The following NRXN1 variants were observed in gnomAD, a reference collection of about 807,000 sequenced individuals.
NRXN1 encodes the protein neurexin 1, also known as neurexin-1.
A neutral mutation model predicts 150.9 loss-of-function variants in NRXN1; 39 were observed. The observed-to-expected ratio is 0.26, with a 90% CI of 0.20 to 0.34. The LOEUF is 0.34. NRXN1 is among the 10% of genes least tolerant of loss of function. The pLI, the probability that NRXN1 is intolerant of heterozygous loss-of-function variation, is 1.00. For missense variants in NRXN1, 1,815 were observed against 1,949.9 expected (o/e 0.93, Z 1.30); for synonymous variants, 924 against 757.0 (o/e 1.22, Z -3.62).
At chr2:50,887,566 C>T (rs10490170) in intron 5 of NRXN1, among the ~76,000 whole-genome samples, 25,612 of 151,280 alleles carry the variant, frequency 0.17, 2,524 homozygotes, top group Non-Finnish European at 0.22. Context: ...TAGTGTTTAA[C>T]ATCTGTGAGT....
At chr2:50,089,743 C>G (rs954408462) in intron 19 of NRXN1, among the ~76,000 whole-genome samples, 8 of 151,076 alleles carry the variant, frequency 5.3e-5, no homozygotes, top group African/African-American at 1.7e-4. Context: ...TGAGCTATGA[C>G]TGCCACTACA....
At chr2:50,465,382 A>G in intron 17 of NRXN1, 60 bp downstream of exon 17, 1 of 1,499,502 alleles carries the variant, frequency 6.7e-7, no homozygotes, top group Non-Finnish European at 9.0e-7. Context: ...TAGACTTTAG[A>G]TATCAAACAG....
In NRXN1 at chr2:50,501,134, T is replaced by C. The variant is rs141880569; in HGVS notation, c.2498-3420A>G. Among the ~76,000 whole-genome samples, 279 of 152,132 alleles carry C rather than the reference T, an allele frequency of 1.8e-3. 1 individual carries two copies. The highest frequency in any genetic ancestry group is 6.4e-3 in the African/African-American group (265 of 41,504). On this transcript the variant is annotated intron_variant, in intron 13 of 22. Transcript: ENST00000401669. ...TGATATTTAAGCTAGATTTGAAGAATTAAAAAGAGAAAGCCCTGTTAAGAA... is the reference window on the plus strand; with the variant it reads ...TGATATTTAAGCTAGATTTGAAGAACTAAAAAGAGAAAGCCCTGTTAAGAA...
At chr2:50,318,129 C>G (rs2075755344) in intron 17 of NRXN1, among the ~76,000 whole-genome samples, 2 of 151,674 alleles carry the variant, frequency 1.3e-5, no homozygotes, top group Middle Eastern at 3.4e-3. Flanking sequence ...GATAAATAAT[C>G]TAATAGGAAA....
At chr2:50,446,258 T>C (rs950049170) in intron 17 of NRXN1, among the ~76,000 whole-genome samples, 1 of 152,210 alleles carries the variant, frequency 6.6e-6, no homozygotes, top group Non-Finnish European at 1.5e-5. Context: ...TGTACAATCC[T>C]ATGCAATGAC....
rs529075251 is a variant in NRXN1 at position 50,554,171 on chromosome 2, T to A, written c.1321-1146A>T. Among the ~76,000 whole-genome samples the A allele has an allele frequency of 4.0e-3, 615 of 152,232 alleles. 5 individuals carry two copies. Among genetic ancestry groups the A allele is most frequent in the African/African-American group, 0.014 (587 of 41,552 alleles). On this transcript the variant is annotated intron_variant, in intron 8 of 22. Coordinates refer to ENST00000401669, the MANE Select transcript of NRXN1 (RefSeq NM_001330078.2). Reference sequence around the variant, plus strand: ...AAATGTACATATATATATATGTATATGTATACACACATGTATGTTTTGTTT... The same window carrying A: ...AAATGTACATATATATATATGTATAAGTATACACACATGTATGTTTTGTTT...
rs575938456 is a variant in NRXN1, at chr2:50,537,203, G to A, written c.2143+1050C>T. 8.5e-5 allele frequency among the ~76,000 whole-genome samples: 13 copies of A among 152,212 alleles called. No homozygotes were observed. The South Asian group carries it at 2.3e-3, about 27-fold the overall frequency. On this transcript the variant is annotated intron_variant, in intron 10 of 22. Coordinates refer to ENST00000401669, the MANE Select transcript of NRXN1 (RefSeq NM_001330078.2). ...TGAACTATTTCAGGAATAAAAAAGG[G>A]AAACAATAAATATTCATAGCTTAAA...
intron 5 of NRXN1, among the ~76,000 whole-genome samples, chr2:50,724,757 CAT>C (rs1220479252): frequency 3.9e-5 from 6 of 152,170 alleles, no homozygotes; most frequent in Non-Finnish European, 7.4e-5. Context: ...AAAAAGAATA[CAT>C]ATGTGTGTGT....
At chr2:51,007,673 C>T (rs1166880355) in intron 2 of NRXN1, among the ~76,000 whole-genome samples, 1 of 151,828 alleles carries the variant, frequency 6.6e-6, no homozygotes. Context: ...TTATGGGATG[C>T]ACTTTTACAT....
intron 2 of NRXN1, among the ~76,000 whole-genome samples, chr2:50,958,739 G>C (rs1692671804): frequency 1.3e-5 from 2 of 152,004 alleles, no homozygotes; most frequent in Admixed American, 6.6e-5. Flanking sequence ...ATTCTGAATG[G>C]AAGCAGCAAG....
chr2:51,011,679 G>C (rs1413555481), intron 2 of NRXN1, among the ~76,000 whole-genome samples: 1 of 151,980 alleles, frequency 6.6e-6, no homozygotes, highest in East Asian at 1.9e-4. Context: ...CAAAGTTTCT[G>C]TTGAAAGAAA....
At chr2:50,990,748 T>C (rs1256778652) in intron 2 of NRXN1, among the ~76,000 whole-genome samples, 1 of 152,028 alleles carries the variant, frequency 6.6e-6, no homozygotes, top group Non-Finnish European at 1.5e-5. Flanking sequence ...CTGAGTTTCC[T>C]TTTCTCCCAG....
At chr2:51,009,784 A>G (rs1353623904) in intron 2 of NRXN1, among the ~76,000 whole-genome samples, 12 of 151,954 alleles carry the variant, frequency 7.9e-5, no homozygotes, top group Non-Finnish European at 1.6e-4. Context: ...TAACAACCGG[A>G]AAAAGTGTAA....
chr2:50,052,723 A>G (rs1313030175), intron 21 of NRXN1, among the ~76,000 whole-genome samples: 1 of 152,198 alleles, frequency 6.6e-6, no homozygotes, highest in Non-Finnish European at 1.5e-5. Context: ...GCTCAGATAA[A>G]CCAATAGAAT....
chr2:50,398,915 G>T (rs996988774), intron 17 of NRXN1, among the ~76,000 whole-genome samples: 1 of 152,118 alleles, frequency 6.6e-6, no homozygotes, highest in Non-Finnish European at 1.5e-5. Context: ...ATTGATGGTA[G>T]AGGATAGGAG....
intron 5 of NRXN1, among the ~76,000 whole-genome samples, chr2:50,770,297 G>T (rs1254027492): frequency 6.6e-6 from 1 of 151,818 alleles, no homozygotes; most frequent in Non-Finnish European, 1.5e-5. Context: ...ATATTTGTGT[G>T]TATATTTGTA....
chr2:50,360,700 T>C (rs753517457), intron 17 of NRXN1, among the ~76,000 whole-genome samples: 1 of 152,154 alleles, frequency 6.6e-6, no homozygotes, highest in Admixed American at 6.5e-5. Context: ...ATTATACAGA[T>C]CAATGAGACA....
intron 5 of NRXN1, among the ~76,000 whole-genome samples, chr2:50,754,669 AG>A (rs560221357): frequency 1.7e-3 from 252 of 151,968 alleles, no homozygotes; most frequent in South Asian, 9.5e-3. Context: ...CTCTGCCGAA[AG>A]CTTCCAGCTT....
intron 5 of NRXN1, among the ~76,000 whole-genome samples, chr2:50,908,943 C>T (rs1351761540): frequency 6.6e-6 from 1 of 152,022 alleles, no homozygotes; most frequent in Non-Finnish European, 1.5e-5. Flanking sequence ...TTCGACTTCC[C>T]AGCCTGCAGA....
Sources: allele counts gnomAD v4.1 joint callset (sites outside exome capture counted in the v4.1 genomes callset), GRCh38; gene constraint gnomAD v4.1.1; transcripts MANE v1.5; gene names NCBI Gene and HGNC (gene_info 2026-07-23, HGNC 2026-07-21).